OSBPL6: variants seen among roughly 807,000 people sequenced by gnomAD.
OSBPL6 encodes oxysterol binding protein like 6, also known as oxysterol-binding protein-related protein 6.
In OSBPL6, 49 loss-of-function variants were observed where a neutral mutation model predicts 125.8. The observed-to-expected ratio is 0.39, with a 90% CI of 0.31 to 0.49. The LOEUF is 0.49. Among genes scored for constraint, OSBPL6 ranks in the 20% least tolerant of loss-of-function variants. The pLI is 0.88. For missense variants in OSBPL6, 986 were observed against 1,135.4 expected (o/e 0.87, Z 1.89); for synonymous variants, 394 against 391.8 (o/e 1.01, Z -0.07).
intron 3 of OSBPL6, 94 bp downstream of exon 3, chr2:178,306,380 T>C: frequency 1.3e-6 from 1 of 789,902 alleles, no homozygotes; most frequent in Non-Finnish European, 2.1e-6. Context: ...GAAATTTTGT[T>C]GTAAAGTCTT....
intron 11 of OSBPL6, among the ~76,000 whole-genome samples, chr2:178,343,077 G>A (rs971623252): frequency 2.0e-5 from 3 of 152,030 alleles, no homozygotes; most frequent in African/African-American, 4.8e-5. Flanking sequence ...AAATAAGATC[G>A]TAATTTTGGA....
intron 12 of OSBPL6, among the ~76,000 whole-genome samples, chr2:178,350,366 C>T (rs1482540235): frequency 6.6e-6 from 1 of 152,096 alleles, no homozygotes; most frequent in African/African-American, 2.4e-5. Context: ...CTTTTAAAAT[C>T]TTCTAGAGAG....
At chr2:178,287,072 A>G (rs974796531) in intron 2 of OSBPL6, among the ~76,000 whole-genome samples, 2 of 151,918 alleles carry the variant, frequency 1.3e-5, no homozygotes, top group African/African-American at 4.8e-5. Flanking sequence ...TTATAGGCAT[A>G]GCATTTCTGT....
At position 178,290,389 on chromosome 2, in the gene OSBPL6, A is replaced by G. The variant is rs1314027917; in HGVS notation, c.-156+5268A>G. 5.9e-5 allele frequency among the ~76,000 whole-genome samples: 9 copies of G among 151,836 alleles called. No homozygotes were observed. The East Asian group carries it at 1.7e-3, about 29-fold the overall frequency. On this transcript the variant is annotated intron_variant, in intron 2 of 24. Transcript: ENST00000190611. ...CATTGTAAATTCAAGGATTTAAAAAAATATTTGTTATGTTTCACATACTTA... is the reference window on the plus strand; with the variant it reads ...CATTGTAAATTCAAGGATTTAAAAAGATATTTGTTATGTTTCACATACTTA...
At chr2:178,276,371 G>GTTTTTTT (rs71023438) in intron 1 of OSBPL6, among the ~76,000 whole-genome samples, 2 of 122,756 alleles carry the variant, frequency 1.6e-5, no homozygotes, top group Non-Finnish European at 1.7e-5. Context: ...ATTCTAAATG[G>GTTTTTTT]TTTTTTTTTT....
intron 2 of OSBPL6, among the ~76,000 whole-genome samples, chr2:178,287,218 G>T (rs1684787592): frequency 6.7e-6 from 1 of 149,880 alleles, no homozygotes; most frequent in Non-Finnish European, 1.5e-5. Flanking sequence ...TTCCCATAAT[G>T]CATTTAGAGT....
intron 1 of OSBPL6, among the ~76,000 whole-genome samples, chr2:178,224,425 A>G (rs1363275938): frequency 1.3e-5 from 2 of 152,206 alleles, no homozygotes; most frequent in Non-Finnish European, 2.9e-5. Flanking sequence ...TGAAAATGCA[A>G]TGAAAATATT....
intron 13 of OSBPL6, among the ~76,000 whole-genome samples, chr2:178,362,558 T>C (rs1692450220): frequency 6.6e-6 from 1 of 152,128 alleles, no homozygotes; most frequent in South Asian, 2.1e-4. Flanking sequence ...TTGTGAGAAC[T>C]CGGTGTCTAT....
intron 1 of OSBPL6, among the ~76,000 whole-genome samples, chr2:178,202,831 AAAAAG>A (rs951323741): frequency 1.3e-5 from 2 of 151,724 alleles, no homozygotes; most frequent in African/African-American, 4.8e-5. Context: ...AAAAAAAAAA[AAAAAG>A]AAAGAAAGAA....
chr2:178,376,217 A>G (rs1029729025), intron 15 of OSBPL6, among the ~76,000 whole-genome samples: 2 of 152,134 alleles, frequency 1.3e-5, no homozygotes, highest in African/African-American at 4.8e-5. Context: ...CCTCTAATTC[A>G]GCACGTCCCA....
intron 2 of OSBPL6, among the ~76,000 whole-genome samples, chr2:178,305,186 C>T (rs1240000850): frequency 6.6e-6 from 1 of 152,142 alleles, no homozygotes; most frequent in African/African-American, 2.4e-5. Context: ...GGATAAAGTT[C>T]ACTTTAATTG....
Position 178,306,098 on chromosome 2 carries a change from C to A in OSBPL6, c.-87C>A. 1.2e-6 allele frequency: 1 copy of A among 852,928 alleles called. No homozygotes were observed. 52.8% of individuals were successfully genotyped at this position (852,928 alleles called of 1,614,324 possible). On this transcript the variant is annotated 5_prime_UTR_variant, in exon 3 of 25. In the 5' UTR this introduces an upstream ATG that the reference lacks. Coordinates refer to ENST00000190611, the MANE Select transcript of OSBPL6 (RefSeq NM_032523.4). ...ACCTGATTCATGAAATGGAATGAAGCTGAAAAATCATCTACTTCTTTGTTT... is the reference window on the plus strand; with the variant it reads ...ACCTGATTCATGAAATGGAATGAAGATGAAAAATCATCTACTTCTTTGTTT...
chr2:178,310,618 CGTGTTA>C (rs1243839381), intron 3 of OSBPL6, among the ~76,000 whole-genome samples: 1 of 151,878 alleles, frequency 6.6e-6, no homozygotes. Context: ...AGGGTTTCAC[CGTGTTA>C]GCCAGGATGG....
intron 1 of OSBPL6, among the ~76,000 whole-genome samples, chr2:178,240,506 T>C (rs904372184): frequency 6.6e-6 from 1 of 152,146 alleles, no homozygotes; most frequent in African/African-American, 2.4e-5. Context: ...AGATGGAGGT[T>C]GCAGTGAGCC....
At chr2:178,287,289 C>A (rs924111071) in intron 2 of OSBPL6, among the ~76,000 whole-genome samples, 2 of 152,084 alleles carry the variant, frequency 1.3e-5, no homozygotes, top group East Asian at 1.9e-4. Context: ...ATTTCTCCCC[C>A]CTAGATACAT....
chr2:178,305,343 T>G (rs1332209417), intron 2 of OSBPL6, among the ~76,000 whole-genome samples: 1 of 152,226 alleles, frequency 6.6e-6, no homozygotes, highest in Admixed American at 6.5e-5. Context: ...ATACTAACAA[T>G]GCAAACCTTC....
intron 1 of OSBPL6, among the ~76,000 whole-genome samples, chr2:178,275,824 C>T (rs867301505): frequency 2.0e-5 from 3 of 151,864 alleles, no homozygotes; most frequent in South Asian, 4.2e-4. Context: ...TGAGCACTTC[C>T]GTATGCCTGG....
At chr2:178,369,185 T>A (rs1693144555) in intron 13 of OSBPL6, among the ~76,000 whole-genome samples, 1 of 152,056 alleles carries the variant, frequency 6.6e-6, no homozygotes, top group African/African-American at 2.4e-5. Context: ...GAGAACAGGG[T>A]TTCAACAATA....
Position 178,391,188 on chromosome 2 carries a change from C to T in OSBPL6, c.2417C>T (p.Ala806Val), listed in dbSNP as rs1276875567. The change falls in exon 22 of 25, where the codon GCC becomes GTC. Residue 806 changes from alanine (A) to valine (V), a missense_variant. By Grantham distance (64) the Ala-to-Val change is moderately conservative. Coordinates refer to ENST00000190611, the MANE Select transcript of OSBPL6 (RefSeq NM_032523.4). ...CATGAAGGACTCTACTGTGGTGTGG[C>T]CCCCTCTGCAAAGTGCATTTGGAGA... ...KWHEGLYCGV[A>V]PSAKCIWRPG... 1.9e-6 allele frequency: 3 copies of T among 1,611,160 alleles called. No homozygotes were observed. Among genetic ancestry groups the T allele is most frequent in the Admixed American group, 1.7e-5 (1 of 59,404 alleles).
Sources: allele counts gnomAD v4.1 joint callset (sites outside exome capture counted in the v4.1 genomes callset), GRCh38; gene constraint gnomAD v4.1.1; transcripts MANE v1.5; gene names NCBI Gene and HGNC (gene_info 2026-07-23, HGNC 2026-07-21).